XKR4: variants seen among roughly 807,000 people sequenced by gnomAD.
XKR4 encodes the protein XK related 4.
Under a neutral mutation model 53.9 loss-of-function variants are expected in XKR4, and 12 were observed. That is an observed-to-expected ratio of 0.22 (90% CI 0.14 to 0.36). XKR4 has a LOEUF of 0.36. Among genes scored for constraint, XKR4 ranks in the 10% least tolerant of loss-of-function variants. The pLI is 1.00. For missense variants in XKR4, 799 were observed against 859.5 expected (o/e 0.93, Z 0.88); for synonymous variants, 354 against 362.4 (o/e 0.98, Z 0.26).
At chr8:55,362,483 G>A (rs1344463847) in intron 2 of XKR4, among the ~76,000 whole-genome samples, 1 of 152,140 alleles carries the variant, frequency 6.6e-6, no homozygotes. Context: ...AGCCACTTAG[G>A]GGGAGAGCAT....
chr8:55,413,694 T>C (rs1455827818), intron 2 of XKR4, among the ~76,000 whole-genome samples: 1 of 152,230 alleles, frequency 6.6e-6, no homozygotes, highest in East Asian at 1.9e-4. Flanking sequence ...TTTCTTGATG[T>C]GTATAATAAC....
chr8:55,333,962 C>T (rs1803416750), intron 1 of XKR4, among the ~76,000 whole-genome samples: 1 of 152,170 alleles, frequency 6.6e-6, no homozygotes, highest in Admixed American at 6.5e-5. Context: ...GACTGATTTA[C>T]AGTGCTCCTA....
At chr8:55,434,294 G>A (rs183140000) in intron 2 of XKR4, among the ~76,000 whole-genome samples, 9 of 152,020 alleles carry the variant, frequency 5.9e-5, no homozygotes, top group African/African-American at 1.4e-4. Context: ...AACCTTATTC[G>A]TAGATTTGAA....
intron 1 of XKR4, among the ~76,000 whole-genome samples, chr8:55,302,220 C>T (rs1268718018): frequency 2.6e-5 from 4 of 152,168 alleles, no homozygotes; most frequent in Non-Finnish European, 5.9e-5. Context: ...ATATGGCCAG[C>T]CAGTTTTCCC....
intron 1 of XKR4, among the ~76,000 whole-genome samples, chr8:55,335,499 A>G (rs1405444324): frequency 6.6e-6 from 1 of 152,226 alleles, no homozygotes; most frequent in African/African-American, 2.4e-5. Context: ...AAATGCAAAA[A>G]CAAATGCCAA....
intron 1 of XKR4, among the ~76,000 whole-genome samples, chr8:55,114,246 T>C (rs1474090202): frequency 6.6e-6 from 1 of 152,206 alleles, no homozygotes; most frequent in Non-Finnish European, 1.5e-5. Context: ...CTGTTATTTT[T>C]TGACTTTTTG....
chr8:55,372,333 T>C (rs1161938838), intron 2 of XKR4, among the ~76,000 whole-genome samples: 1 of 152,234 alleles, frequency 6.6e-6, no homozygotes, highest in Non-Finnish European at 1.5e-5. Flanking sequence ...CACATTTATC[T>C]GCCATTCACC....
At chr8:55,379,394 C>T (rs1218465153) in intron 2 of XKR4, among the ~76,000 whole-genome samples, 1 of 152,176 alleles carries the variant, frequency 6.6e-6, no homozygotes, top group Non-Finnish European at 1.5e-5. Context: ...ACTCACCATA[C>T]CAATTAGAAA....
chr8:55,182,798 G>T (rs1563477188), intron 1 of XKR4, among the ~76,000 whole-genome samples: 1 of 136,788 alleles, frequency 7.3e-6, no homozygotes, highest in Admixed American at 7.7e-5. Flanking sequence ...TTCATATAAA[G>T]TTTACAATCA....
chr8:55,213,386 G>T (rs1451130038), intron 1 of XKR4, among the ~76,000 whole-genome samples: 1 of 152,186 alleles, frequency 6.6e-6, no homozygotes, highest in Non-Finnish European at 1.5e-5. Flanking sequence ...AGATGAGCCA[G>T]TTTATCAATC....
intron 2 of XKR4, among the ~76,000 whole-genome samples, chr8:55,425,255 C>T (rs542965978): frequency 6.6e-6 from 1 of 152,332 alleles, no homozygotes; most frequent in South Asian, 2.1e-4. Flanking sequence ...AGAGTTAGGT[C>T]TTCCATGATT....
intron 1 of XKR4, among the ~76,000 whole-genome samples, chr8:55,181,260 T>G (rs1462980886): frequency 6.6e-6 from 1 of 152,174 alleles, no homozygotes; most frequent in Non-Finnish European, 1.5e-5. Flanking sequence ...TATCATCGTT[T>G]CTTTCTCTGT....
chr8:55,190,517 A>T (rs1052601695), intron 1 of XKR4, among the ~76,000 whole-genome samples: 1 of 152,332 alleles, frequency 6.6e-6, no homozygotes, highest in East Asian at 1.9e-4. Context: ...TGGGCCAACT[A>T]CAAAAGTAGG....
chr8:55,340,066 C>A (rs1044722668), intron 1 of XKR4, among the ~76,000 whole-genome samples: 9 of 151,982 alleles, frequency 5.9e-5, no homozygotes, highest in Admixed American at 4.6e-4. Flanking sequence ...GTGTACATGC[C>A]CATTCTGTAT....
chr8:55,493,582 G>A (rs542271577), intron 2 of XKR4, among the ~76,000 whole-genome samples: 3 of 152,114 alleles, frequency 2.0e-5, no homozygotes, highest in South Asian at 2.1e-4. Context: ...AGCAAGTATG[G>A]GTCTGTAGCT....
chr8:55,428,815 A>T (rs1182990746), intron 2 of XKR4, among the ~76,000 whole-genome samples: 1 of 152,246 alleles, frequency 6.6e-6, no homozygotes, highest in Non-Finnish European at 1.5e-5. Flanking sequence ...ATGTTCATTA[A>T]TTTTAAGACT....
At chr8:55,154,381 C>T (rs1301763824) in intron 1 of XKR4, among the ~76,000 whole-genome samples, 1 of 152,168 alleles carries the variant, frequency 6.6e-6, no homozygotes, top group Non-Finnish European at 1.5e-5. Context: ...TAATATCAAT[C>T]ATATGTTTTA....
intron 1 of XKR4, among the ~76,000 whole-genome samples, chr8:55,273,226 T>G (rs1818718553): frequency 6.6e-6 from 1 of 151,648 alleles, no homozygotes; most frequent in African/African-American, 2.4e-5. Flanking sequence ...CTTGTTAGAT[T>G]TGTCACGAGT....
At chr8:55,119,961 AAAAG>A (rs1816368522) in intron 1 of XKR4, among the ~76,000 whole-genome samples, 1 of 152,232 alleles carries the variant, frequency 6.6e-6, no homozygotes, top group Non-Finnish European at 1.5e-5. Flanking sequence ...GGGCAATTAA[AAAAG>A]ATTTACCAGA....
Sources: allele counts gnomAD v4.1 joint callset (sites outside exome capture counted in the v4.1 genomes callset), GRCh38; gene constraint gnomAD v4.1.1; transcripts MANE v1.5; gene names NCBI Gene and HGNC (gene_info 2026-07-23, HGNC 2026-07-21).